Variants in COL22A1 observed in about 807,000 individuals in gnomAD.
COL22A1 encodes collagen alpha-1(XXII) chain.
In COL22A1, 221 loss-of-function variants were observed where a neutral mutation model predicts 248.9. The ratio of observed to expected loss-of-function variants is 0.89; its 90% CI spans 0.80 to 0.99. The LOEUF is 0.99. COL22A1 is among the 50% of genes least tolerant of loss of function. The pLI is 0.00. For synonymous variants in COL22A1, 891 were observed against 793.4 expected (o/e 1.12, Z -2.07); for missense variants, 2,240 against 2,179.0 (o/e 1.03, Z -0.56).
At chr8:138,679,167 T>C (rs1231790237) in intron 40 of COL22A1, among the ~76,000 whole-genome samples, 1 of 152,214 alleles carries the variant, frequency 6.6e-6, no homozygotes, top group Non-Finnish European at 1.5e-5. Flanking sequence ...GTCCTCCCTC[T>C]ATTATTACCT....
chr8:138,686,417 A>G (rs1826358103), intron 37 of COL22A1, among the ~76,000 whole-genome samples: 1 of 152,208 alleles, frequency 6.6e-6, no homozygotes. Flanking sequence ...AGCTGCAATC[A>G]CAGTGTTTCC....
chr8:138,809,926 G>A (rs1818063434), intron 9 of COL22A1, among the ~76,000 whole-genome samples: 1 of 152,140 alleles, frequency 6.6e-6, no homozygotes, highest in African/African-American at 2.4e-5. Flanking sequence ...ATTAGTAGCT[G>A]AAAATACAGA....
chr8:138,767,519 A>G (rs1217960470), intron 16 of COL22A1, among the ~76,000 whole-genome samples: 4 of 152,008 alleles, frequency 2.6e-5, no homozygotes, highest in Non-Finnish European at 4.4e-5. Flanking sequence ...TATTAGGAGA[A>G]CTCTACTCTG....
chr8:138,741,207 T>G (rs1228670333), intron 22 of COL22A1, among the ~76,000 whole-genome samples: 2 of 152,216 alleles, frequency 1.3e-5, no homozygotes, highest in African/African-American at 2.4e-5. Flanking sequence ...ACATCCCAGT[T>G]CAGTGCTATC....
intron 45 of COL22A1, among the ~76,000 whole-genome samples, chr8:138,652,123 C>G (rs1822794448): frequency 1.3e-5 from 2 of 152,294 alleles, no homozygotes; most frequent in South Asian, 4.1e-4. Flanking sequence ...CTCCTGGGAG[C>G]CCCCCGAGTC....
chr8:138,824,346 T>C (rs1051494563), intron 6 of COL22A1, among the ~76,000 whole-genome samples: 1 of 152,202 alleles, frequency 6.6e-6, no homozygotes, highest in African/African-American at 2.4e-5. Context: ...GCACTTTCTA[T>C]GTCAGCTCCA....
chr8:138,795,948 G>C (rs975925453), intron 12 of COL22A1, among the ~76,000 whole-genome samples: 3 of 152,146 alleles, frequency 2.0e-5, no homozygotes, highest in Admixed American at 2.0e-4. Context: ...AGCGATGAAT[G>C]ACCTCTCAGG....
chr8:138,868,459 A>G (rs1823068320), intron 3 of COL22A1, among the ~76,000 whole-genome samples: 1 of 152,216 alleles, frequency 6.6e-6, no homozygotes, highest in African/African-American at 2.4e-5. Flanking sequence ...GATAGTTAGG[A>G]AACAAATATT....
At chr8:138,719,934 T>C (rs1829744126) in intron 27 of COL22A1, among the ~76,000 whole-genome samples, 1 of 152,102 alleles carries the variant, frequency 6.6e-6, no homozygotes, top group South Asian at 2.1e-4. Flanking sequence ...CTCCCCGCAA[T>C]CTCCTGTCTG....
chr8:138,837,938 G>A (rs1820560834), intron 4 of COL22A1, among the ~76,000 whole-genome samples: 2 of 152,148 alleles, frequency 1.3e-5, no homozygotes, highest in Non-Finnish European at 1.5e-5. Flanking sequence ...GTAGGGGTGA[G>A]GACGTGCCTT....
At chr8:138,716,094 T>C (rs964512069) in intron 29 of COL22A1, 133 bp downstream of exon 29, 26 of 711,154 alleles carry the variant, frequency 3.7e-5, no homozygotes, top group South Asian at 3.4e-4. Flanking sequence ...GTCCCTTCCA[T>C]CAACACTGAG....
At chr8:138,594,799 G>T (rs1456024736) in intron 62 of COL22A1, among the ~76,000 whole-genome samples, 2 of 152,146 alleles carry the variant, frequency 1.3e-5, no homozygotes, top group Admixed American at 6.5e-5. Context: ...TGATGCTGGG[G>T]TGGAGGAGGT....
chr8:138,606,543 G>A, intron 57 of COL22A1, 91 bp from the exon 58 acceptor site: 1 of 1,238,246 alleles, frequency 8.1e-7, no homozygotes, highest in South Asian at 1.3e-5. Flanking sequence ...AAATCAAAAG[G>A]CCTGAGACAT....
intron 48 of COL22A1, among the ~76,000 whole-genome samples, chr8:138,635,841 G>C (rs1267408519): frequency 6.6e-6 from 1 of 152,172 alleles, no homozygotes; most frequent in African/African-American, 2.4e-5. Context: ...AGAGATTTTA[G>C]CCAAGGAGCT....
intron 10 of COL22A1, among the ~76,000 whole-genome samples, chr8:138,806,389 G>A (rs910620288): frequency 4.6e-5 from 7 of 151,848 alleles, no homozygotes; most frequent in African/African-American, 1.7e-4. Flanking sequence ...GCAAAGCAGG[G>A]AAGGGTGTGA....
chr8:138,607,915 T>C (rs1022162502), intron 57 of COL22A1, 21 bp downstream of exon 57: 2 of 1,612,842 alleles, frequency 1.2e-6, no homozygotes, highest in Non-Finnish European at 1.7e-6. Flanking sequence ...TGCCATCACA[T>C]AGCAGCCAAA....
intron 7 of COL22A1, among the ~76,000 whole-genome samples, chr8:138,820,406 G>T (rs945801400): frequency 6.6e-6 from 1 of 152,010 alleles, no homozygotes; most frequent in East Asian, 1.9e-4. Flanking sequence ...ACATACTTAC[G>T]GTGTATGCAT....
chr8:138,801,856 G>T (rs1395656780), intron 11 of COL22A1, among the ~76,000 whole-genome samples: 3 of 151,594 alleles, frequency 2.0e-5, no homozygotes, highest in South Asian at 2.1e-4. Context: ...CTCCAGCCTG[G>T]GTGACAAGAG....
chr8:138,890,145 A>T (rs1238394291), intron 1 of COL22A1, among the ~76,000 whole-genome samples: 1 of 152,208 alleles, frequency 6.6e-6, no homozygotes, highest in Admixed American at 6.5e-5. Flanking sequence ...ATACATAGTG[A>T]ATCCAACTGA....
Sources: gnomAD v4.1 joint callset for allele counts (sites outside exome capture counted in the v4.1 genomes callset) on GRCh38, gnomAD v4.1.1 for gene constraint, MANE v1.5 for transcripts, NCBI Gene and HGNC (gene_info 2026-07-23, HGNC 2026-07-21) for gene names.